The following RAI1 variants were observed in gnomAD, a reference collection of about 807,000 sequenced individuals.
RAI1 encodes retinoic acid induced 1.
RAI1 carries 9 observed loss-of-function variants against 123.8 expected under a neutral mutation model. The ratio of observed to expected loss-of-function variants is 0.07; its 90% CI spans 0.04 to 0.13. The LOEUF is 0.13. Ranked by LOEUF, RAI1 falls within the 10% of genes least tolerant of loss-of-function variation. The pLI, the probability that RAI1 is intolerant of heterozygous loss-of-function variation, is 1.00. For missense variants in RAI1, 2,256 were observed against 2,545.8 expected, an observed-to-expected ratio of 0.89 and a Z score of 2.45; for synonymous variants, 1,231 against 1,127.3, an observed-to-expected ratio of 1.09 and a Z score of -1.84.
At chr17:17,750,279 T>A (rs187028850) in intron 2 of RAI1, among the ~76,000 whole-genome samples, 1 of 152,326 alleles carries the variant, frequency 6.6e-6, no homozygotes, top group East Asian at 1.9e-4. Flanking sequence ...CGTTACCGAG[T>A]CCTTGTCACT....
chr17:17,695,641 C>T (rs1915005669), intron 1 of RAI1, among the ~76,000 whole-genome samples: 1 of 152,154 alleles, frequency 6.6e-6, no homozygotes, highest in Non-Finnish European at 1.5e-5. Flanking sequence ...ATTCTCCTGC[C>T]TCAGCCTCCC....
At chr17:17,687,661 C>G (rs1044506304) in intron 1 of RAI1, among the ~76,000 whole-genome samples, 1 of 152,148 alleles carries the variant, frequency 6.6e-6, no homozygotes, top group Non-Finnish European at 1.5e-5. Flanking sequence ...TGCAGCATCC[C>G]TCGGGCAAGT....
intron 1 of RAI1, among the ~76,000 whole-genome samples, chr17:17,697,400 T>C (rs1462372858): frequency 6.6e-6 from 1 of 152,166 alleles, no homozygotes; most frequent in African/African-American, 2.4e-5. Context: ...CTGTGTACTC[T>C]CAGAAATGAA....
At chr17:17,754,824 G>A (rs913428486) in intron 2 of RAI1, among the ~76,000 whole-genome samples, 3 of 152,202 alleles carry the variant, frequency 2.0e-5, no homozygotes, top group Non-Finnish European at 4.4e-5. Context: ...CACAGAGGGT[G>A]GGAGAGAGGA....
At position 17,796,247 on chromosome 17, in the gene RAI1, A is replaced by G; in HGVS notation, c.3299A>G (p.Lys1100Arg). The G allele has an allele frequency of 6.3e-7, 1 of 1,577,488 alleles. No individual in the cohort carries two copies. ...AAFKSGKRVG[K>R]PSPKAASSPS... ...TTCAAGTCGGGCAAGCGGGTGGGGA[A>G]GCCCTCACCCAAGGCTGCCTCCAGC... Residue 1100 changes from lysine to arginine, a missense_variant, in exon 3 of 6, where the codon AAG becomes AGG. By Grantham distance (26) the Lys-to-Arg change is conservative. Coordinates refer to ENST00000353383, the MANE Select transcript of RAI1 (RefSeq NM_030665.4). This position sits in a 1 kb window ranked among gnomAD's most constrained non-coding sequence, Gnocchi z 5.8.
chr17:17,690,552 GA>G (rs1414604461), intron 1 of RAI1, among the ~76,000 whole-genome samples: 2 of 152,138 alleles, frequency 1.3e-5, no homozygotes, highest in African/African-American at 4.8e-5. Flanking sequence ...CATCAAAGGC[GA>G]AAGTAATAGT....
chr17:17,763,676 G>A (rs964948567), intron 2 of RAI1, among the ~76,000 whole-genome samples: 10 of 152,362 alleles, frequency 6.6e-5, no homozygotes, highest in Middle Eastern at 3.4e-3. Context: ...TGCCTGGAGT[G>A]TAGAATCCAC....
intron 1 of RAI1, among the ~76,000 whole-genome samples, chr17:17,698,764 G>A (rs1202051897): frequency 1.3e-5 from 2 of 152,132 alleles, no homozygotes; most frequent in East Asian, 3.8e-4. Flanking sequence ...GTTTTCTTTG[G>A]CGCTGTGACT....
intron 2 of RAI1, among the ~76,000 whole-genome samples, chr17:17,760,876 G>A (rs2030664597): frequency 6.6e-6 from 1 of 152,130 alleles, no homozygotes; most frequent in Non-Finnish European, 1.5e-5. Context: ...TTTATGGGAG[G>A]GAGAAGTTTG....
At chr17:17,686,256 T>C (rs972346723) in intron 1 of RAI1, among the ~76,000 whole-genome samples, 9 of 144,242 alleles carry the variant, frequency 6.2e-5, no homozygotes, top group African/African-American at 2.6e-5. Context: ...AGCAAGGGCA[T>C]GCTCAGGTCT....
intron 2 of RAI1, among the ~76,000 whole-genome samples, chr17:17,783,636 C>G (rs1250878149): frequency 6.6e-6 from 1 of 152,180 alleles, no homozygotes; most frequent in Non-Finnish European, 1.5e-5. Flanking sequence ...CGCGTTAACC[C>G]TGCTCGCGCT....
chr17:17,784,187 G>GA (rs1318917403), intron 2 of RAI1, among the ~76,000 whole-genome samples: 1 of 152,204 alleles, frequency 6.6e-6, no homozygotes, highest in Non-Finnish European at 1.5e-5. Flanking sequence ...GGACTGGGGG[G>GA]AGGGAGGGGG....
At chr17:17,736,618 T>C (rs1379341695) in intron 2 of RAI1, among the ~76,000 whole-genome samples, 1 of 152,222 alleles carries the variant, frequency 6.6e-6, no homozygotes, top group Non-Finnish European at 1.5e-5. Flanking sequence ...GGAATGTTTT[T>C]AGAAATGAGA....
At chr17:17,684,671 C>CATATATAT (rs58265371) in intron 1 of RAI1, 322 of 125,744 alleles carry the variant, frequency 2.6e-3, no homozygotes, top group East Asian at 0.011. Flanking sequence ...TCACTTAATG[C>CATATATAT]ATATATATAT....
intron 1 of RAI1, among the ~76,000 whole-genome samples, chr17:17,703,241 T>C (rs563891358): frequency 6.6e-6 from 1 of 152,282 alleles, no homozygotes; most frequent in South Asian, 2.1e-4. Context: ...TCCAACTTCC[T>C]GTCCAGGTCA....
rs371983878 is a variant in RAI1, at chr17:17,793,779, CCAGCAGCAG to C, written c.864_872del (p.Gln289_Gln291del). 5.5e-3 allele frequency: 7,418 copies of C among 1,357,646 alleles called. 29 individuals carry two copies. The East Asian group carries it at 0.17, about 30-fold the overall frequency. The allele number at this position is 1,357,646 out of a possible 1,614,324, so 84.1% of individuals were successfully genotyped here. A position where few individuals can be genotyped will look rare whatever the true frequency, so the allele number is the denominator to read the frequency against. On this transcript the variant is annotated inframe_deletion, in exon 3 of 6. Coordinates refer to ENST00000353383, the MANE Select transcript of RAI1 (RefSeq NM_030665.4). ...ACCAGTCGGGCCGCCTCAGCTATGACCAGCAGCAGCAGCAGCAGCAGCAGCAGCAGCAGC... is the reference window on the plus strand; with the variant it reads ...ACCAGTCGGGCCGCCTCAGCTATGACCAGCAGCAGCAGCAGCAGCAGCAGC...
chr17:17,807,840 G>T (rs1479422815), intron 4 of RAI1, among the ~76,000 whole-genome samples: 1 of 152,242 alleles, frequency 6.6e-6, no homozygotes. Flanking sequence ...CTGAGCCAAG[G>T]GAAGGGGAAC....
Position 17,794,339 on chromosome 17 carries a change from G to T in RAI1, c.1391G>T (p.Gly464Val). 6.2e-7 allele frequency: 1 copy of T among 1,613,212 alleles called. No individual in the cohort carries two copies. Among genetic ancestry groups the T allele is most frequent in the South Asian group, 1.1e-5 (1 of 91,082 alleles). ...LSKAAVPQKK[G>V]VKNLVSRTPE... Reference sequence around the variant, plus strand: ...AAGGCTGCTGTGCCGCAGAAGAAAGGTGTCAAGAACCTCGTGTCCAGGACC... The same window carrying T: ...AAGGCTGCTGTGCCGCAGAAGAAAGTTGTCAAGAACCTCGTGTCCAGGACC... The change falls in exon 3 of 6, where the codon GGT (glycine) becomes GTT (valine). Residue 464 changes from glycine to valine, a missense_variant. Physicochemically the swap from Gly to Val is moderately radical, Grantham distance 109 (BLOSUM62 -3). This residue lies in a region of RAI1 where 357 missense variants were observed against 480.2 expected (regional missense o/e 0.74). Transcript: ENST00000353383.
At chr17:17,700,009 A>G (rs1915164341) in intron 1 of RAI1, among the ~76,000 whole-genome samples, 2 of 152,050 alleles carry the variant, frequency 1.3e-5, no homozygotes, top group South Asian at 4.1e-4. Context: ...AGTATCCACT[A>G]CTCCTGGGGC....
Sources: gnomAD v4.1 joint callset for allele counts (sites outside exome capture counted in the v4.1 genomes callset) on GRCh38, gnomAD v4.1.1 for gene constraint, gnomAD v4.1.1 regional missense constraint, Gnocchi (gnomAD v3.1) non-coding constraint, MANE v1.5 for transcripts, NCBI Gene and HGNC (gene_info 2026-07-23, HGNC 2026-07-21) for gene names.